The following CFAP46 variants were observed in gnomAD, a reference collection of about 807,000 sequenced individuals.
CFAP46 encodes cilia- and flagella-associated protein 46.
In CFAP46, 245 loss-of-function variants were observed where a neutral mutation model predicts 325.7. The ratio of observed to expected loss-of-function variants is 0.75; its 90% CI spans 0.68 to 0.84. The LOEUF is 0.84. CFAP46 is among the 40% of genes least tolerant of loss of function. CFAP46 has a pLI of 0.00. For synonymous variants in CFAP46, 1,523 were observed against 1,495.9 expected, an observed-to-expected ratio of 1.02 and a Z score of -0.42; for missense variants, 3,346 against 3,543.0, an observed-to-expected ratio of 0.94 and a Z score of 1.41.
Position 132,885,941 on chromosome 10 carries a change from G to T in CFAP46, c.3323C>A (p.Ala1108Glu). 2.6e-6 allele frequency: 4 copies of T among 1,550,042 alleles called. No homozygotes were observed. The South Asian group carries it at 3.6e-5, about 14-fold the overall frequency. Reference sequence around the variant, plus strand: ...CAGGCCGTAGAGCGCAGCACGGAGCGCCAGGTCGTCCTCAGCCCCTGGGAG... The same window carrying T: ...CAGGCCGTAGAGCGCAGCACGGAGCTCCAGGTCGTCCTCAGCCCCTGGGAG... Reference protein sequence around the residue: ...YFLPGAEDDLALRAALYGLLF... With the variant: ...YFLPGAEDDLELRAALYGLLF... The change falls in exon 26 of 58, where the codon GCG becomes GAG. Residue 1108 changes from alanine to glutamate, a missense_variant. Coordinates refer to ENST00000368586, the MANE Select transcript of CFAP46 (RefSeq NM_001200049.3).
At chr10:132,840,077 T>C (rs1848324994) in intron 44 of CFAP46, among the ~76,000 whole-genome samples, 1 of 152,250 alleles carries the variant, frequency 6.6e-6, no homozygotes, top group Non-Finnish European at 1.5e-5. Flanking sequence ...AAGAATTTAC[T>C]GGTGAAGCCA....
intron 27 of CFAP46, among the ~76,000 whole-genome samples, chr10:132,883,734 T>TCC (rs985857709): frequency 7.2e-5 from 11 of 152,354 alleles, no homozygotes; most frequent in African/African-American, 2.6e-4. Flanking sequence ...CTGTGGACTG[T>TCC]AAGACACATA....
intron 16 of CFAP46, among the ~76,000 whole-genome samples, chr10:132,917,384 AC>A (rs1849656956): frequency 6.6e-6 from 1 of 152,108 alleles, no homozygotes; most frequent in African/African-American, 2.4e-5. Context: ...GCGAGCTCGG[AC>A]CCGAGGTCCC....
intron 39 of CFAP46, among the ~76,000 whole-genome samples, chr10:132,854,167 T>C (rs1469267096): frequency 2.0e-5 from 3 of 152,364 alleles, no homozygotes; most frequent in Non-Finnish European, 2.9e-5. Flanking sequence ...CATCTCGGTA[T>C]TGAATTGGCA....
At chr10:132,937,517 CT>C in intron 6 of CFAP46, 34 bp downstream of exon 6, 3 of 1,611,146 alleles carry the variant, frequency 1.9e-6, no homozygotes, top group Non-Finnish European at 2.5e-6. Context: ...AAGAAAATTA[CT>C]TCTTACGTCT....
chr10:132,867,364 G>A lies in CFAP46; in HGVS notation c.4743+11C>T, dbSNP rs1156394182. On this transcript the variant is annotated intron_variant, in intron 34 of 57. Coordinates refer to ENST00000368586, the MANE Select transcript of CFAP46 (RefSeq NM_001200049.3). ...GCTGCGGGTCAGAGGGATTCTGGACGGTGAGGTTACCTTGTCCTTGGCGTC... is the reference window on the plus strand; with the variant it reads ...GCTGCGGGTCAGAGGGATTCTGGACAGTGAGGTTACCTTGTCCTTGGCGTC... 7.8e-6 allele frequency: 12 copies of A among 1,547,038 alleles called. No homozygotes were observed. The Admixed American group carries it at 7.9e-5, about 10-fold the overall frequency.
intron 50 of CFAP46, among the ~76,000 whole-genome samples, chr10:132,822,466 CTGATGTGTGCTG>C (rs1196926630): frequency 3.3e-5 from 4 of 122,796 alleles, no homozygotes; most frequent in African/African-American, 1.3e-4. Flanking sequence ...TGTGTGAGTG[CTGATGTGTGCTG>C]TGTGTGCTGT....
intron 17 of CFAP46, among the ~76,000 whole-genome samples, chr10:132,914,070 T>C (rs1376602749): frequency 3.5e-5 from 5 of 144,096 alleles, no homozygotes; most frequent in Admixed American, 6.9e-5. Flanking sequence ...GGCCCGAGGC[T>C]GTGTCCAGCC....
intron 25 of CFAP46, among the ~76,000 whole-genome samples, chr10:132,890,193 G>A (rs1849235249): frequency 6.6e-6 from 1 of 151,892 alleles, no homozygotes; most frequent in South Asian, 2.1e-4. Flanking sequence ...ATTCTGAAGG[G>A]GTCTGGGCTG....
At chr10:132,839,735 C>T (rs903548348) in intron 44 of CFAP46, among the ~76,000 whole-genome samples, 12 of 152,044 alleles carry the variant, frequency 7.9e-5, no homozygotes, top group Admixed American at 3.3e-4. Flanking sequence ...TGAAAGACAC[C>T]TTTTTTGCAC....
At position 132,942,533 on chromosome 10, in the gene CFAP46, C is replaced by T; in HGVS notation, c.-49G>A. On this transcript the variant is annotated 5_prime_UTR_variant, in exon 1 of 58. Transcript: ENST00000368586. Reference sequence around the variant, plus strand: ...CTCTCTCCGGGGTCCGCGGTGCGTCCTGCCGCCCACTGTCGGTTGGGTTCT... The same window carrying T: ...CTCTCTCCGGGGTCCGCGGTGCGTCTTGCCGCCCACTGTCGGTTGGGTTCT... 5.6e-6 allele frequency: 7 copies of T among 1,244,072 alleles called. No homozygotes were observed. Among genetic ancestry groups the T allele is most frequent in the Non-Finnish European group, 7.1e-6 (7 of 991,662 alleles). 77.1% of individuals were successfully genotyped at this position (1,244,072 alleles called of 1,614,324 possible).
chr10:132,859,417 T>C (rs144267159), intron 37 of CFAP46, among the ~76,000 whole-genome samples, 170 bp from the exon 38 acceptor site: 1 of 152,242 alleles, frequency 6.6e-6, no homozygotes, highest in African/African-American at 2.4e-5. Context: ...TGTGATCGCA[T>C]GTGATAAAAT....
At position 132,941,675 on chromosome 10, in the gene CFAP46, C is replaced by T. The variant is rs1850104615; in HGVS notation, c.222G>A (p.Lys74=). The change falls in exon 3 of 58, where the codon AAG becomes AAA. Residue 74 remains lysine (K), a synonymous_variant. Transcript: ENST00000368586. ...GAAACTGGGTGATGGGCGCCTTCAC[C>T]TTGAAGTACATTTGGATGCAGTCCT... is the stretch of plus-strand genomic sequence containing the variant. ...VSEDCIQMYF[K]VKAPITQFLG... 1 of 1,614,062 alleles carries T rather than the reference C, an allele frequency of 6.2e-7. No homozygotes were observed. The highest frequency in any genetic ancestry group is 8.5e-7 in the Non-Finnish European group (1 of 1,180,046).
In CFAP46 at chr10:132,850,157, C is replaced by T. The variant is rs916488487; in HGVS notation, c.5952+87G>A. On this transcript the variant is annotated intron_variant, in intron 41 of 57. Coordinates refer to ENST00000368586, the MANE Select transcript of CFAP46 (RefSeq NM_001200049.3). ...CTTCCTGGGGCCACTGCTGCAATCA[C>T]AGGAGTCCTAAACACTTCGCTTGTG... is the stretch of plus-strand genomic sequence containing the variant. 6 of 1,322,104 alleles carry T rather than the reference C, an allele frequency of 4.5e-6. No individual in the cohort carries two copies. In the African/African-American group the frequency reaches 5.9e-5, roughly 13 times the overall value. 81.9% of individuals were successfully genotyped at this position (1,322,104 alleles called of 1,614,324 possible).
chr10:132,942,069 T>G lies in CFAP46; in HGVS notation c.85A>C (p.Lys29Gln). ...ASLKKAYELI[K>Q]SANLGKSEFD... ...TCCGATTTCCCTAGGTTGGCCGATT[T>G]GATCAACTCGTAGGCCTTCTTCAAG... The change falls in exon 2 of 58, where the codon AAA (lysine) becomes CAA (glutamine). Residue 29 changes from lysine (K) to glutamine (Q), a missense_variant. Transcript: ENST00000368586. 6.4e-7 allele frequency: 1 copy of G among 1,551,774 alleles called. No individual in the cohort carries two copies. Among genetic ancestry groups the G allele is most frequent in the Non-Finnish European group, 8.7e-7 (1 of 1,146,998 alleles).
At chr10:132,852,549 A>G (rs941164077) in intron 39 of CFAP46, among the ~76,000 whole-genome samples, 3 of 152,180 alleles carry the variant, frequency 2.0e-5, no homozygotes, top group Non-Finnish European at 4.4e-5. Context: ...ATCCTGACCC[A>G]CAGACGTGGT....
chr10:132,808,577 C>T lies in CFAP46; in HGVS notation c.7992G>A (p.Ser2664=), dbSNP rs146074411. 3.0e-4 allele frequency: 486 copies of T among 1,612,688 alleles called. No individual in the cohort carries two copies. The highest frequency in any genetic ancestry group is 3.8e-4 in the Non-Finnish European group (448 of 1,179,878). ...ATSRKAAAWT[S]SSACLCAPWG... ...ATGGCGCACACAGGCAGGCAGAGCTCGAGGTCCAGGCGGCTGCCTTGCGGG... is the reference window on the plus strand; with the variant it reads ...ATGGCGCACACAGGCAGGCAGAGCTTGAGGTCCAGGCGGCTGCCTTGCGGG... Residue 2664 remains serine, a synonymous_variant, in exon 58 of 58, where the codon TCG becomes TCA. Transcript: ENST00000368586. This position sits in a 1 kb window ranked among gnomAD's most constrained non-coding sequence, Gnocchi z 6.8.
chr10:132,899,816 G>A (rs949192148), intron 22 of CFAP46, 150 bp from the exon 23 acceptor site: 33 of 925,688 alleles, frequency 3.6e-5, no homozygotes, highest in South Asian at 7.5e-5. Flanking sequence ...ACAGGGCTCC[G>A]CCCTCCCCGA....
intron 47 of CFAP46, 70 bp downstream of exon 47, chr10:132,835,234 A>C: frequency 1.3e-6 from 2 of 1,572,352 alleles, no homozygotes; most frequent in Non-Finnish European, 1.7e-6. Flanking sequence ...CCACCTCGCC[A>C]GGGTCCTGGC....
Sources: allele counts gnomAD v4.1 joint callset (sites outside exome capture counted in the v4.1 genomes callset), GRCh38; gene constraint gnomAD v4.1.1; non-coding constraint Gnocchi (gnomAD v3.1); transcripts MANE v1.5; gene names NCBI Gene and HGNC (gene_info 2026-07-23, HGNC 2026-07-21).